Variants in ADCY1 observed in about 807,000 individuals in gnomAD.
ADCY1 encodes adenylate cyclase 1, also known as adenylate cyclase type 1.
Under a neutral mutation model 105.4 loss-of-function variants are expected in ADCY1, and 28 were observed. The observed-to-expected ratio is 0.27, with a 90% CI of 0.20 to 0.36. The LOEUF (loss-of-function observed/expected upper bound fraction) is 0.36. Ranked by LOEUF, ADCY1 falls within the 10% of genes least tolerant of loss-of-function variation. The pLI is 1.00. For synonymous variants in ADCY1, 655 were observed against 623.8 expected (o/e 1.05, Z -0.75); for missense variants, 977 against 1,434.2 (o/e 0.68, Z 5.15).
intron 14 of ADCY1, among the ~76,000 whole-genome samples, chr7:45,694,129 A>C (rs1305405768): frequency 3.3e-5 from 5 of 151,104 alleles, no homozygotes; most frequent in South Asian, 2.1e-4. Flanking sequence ...AAAAAAAAAA[A>C]AAAAAAAACA....
intron 4 of ADCY1, among the ~76,000 whole-genome samples, chr7:45,628,192 G>A (rs149792010): frequency 6.6e-6 from 1 of 152,352 alleles, no homozygotes; most frequent in Non-Finnish European, 1.5e-5. Flanking sequence ...GAGGCTGAGA[G>A]CCACTCTCTA....
chr7:45,605,158 A>G (rs1259914093), intron 2 of ADCY1, among the ~76,000 whole-genome samples: 2 of 152,158 alleles, frequency 1.3e-5, no homozygotes, highest in African/African-American at 2.4e-5. Context: ...TGACTTTTGT[A>G]TATTGATCTT....
chr7:45,678,361 G>A, intron 10 of ADCY1, 98 bp downstream of exon 10: 1 of 1,173,448 alleles, frequency 8.5e-7, no homozygotes, highest in South Asian at 1.2e-5. Context: ...TGTTTCTGTT[G>A]TATGCTCAAG....
chr7:45,702,968 A>C (rs1238590143), intron 14 of ADCY1, among the ~76,000 whole-genome samples: 1 of 152,156 alleles, frequency 6.6e-6, no homozygotes, highest in Non-Finnish European at 1.5e-5. Context: ...TGTCTGCCCC[A>C]CCTGGGTGTG....
At position 45,704,619 on chromosome 7, in the gene ADCY1, G is replaced by T. The variant is rs752026233; in HGVS notation, c.2817+3G>T. The T allele has an allele frequency of 2.5e-6, 4 of 1,613,492 alleles. No individual in the cohort carries two copies. In the African/African-American group the frequency reaches 5.3e-5, roughly 22 times the overall value. On this transcript the variant is annotated splice_donor_region_variant and intron_variant, in intron 17 of 19. Coordinates refer to ENST00000297323, the MANE Select transcript of ADCY1 (RefSeq NM_021116.4). ...TAGCGCCCACCTCGGGGACCAAGGT[G>T]AGTGCAGCCTGGCGCTGCCTGCTTG... is the stretch of plus-strand genomic sequence containing the variant.
intron 4 of ADCY1, among the ~76,000 whole-genome samples, chr7:45,643,555 G>T (rs925184005): frequency 6.6e-6 from 1 of 151,540 alleles, no homozygotes; most frequent in Non-Finnish European, 1.5e-5. Context: ...TTTTCTCATC[G>T]CTCGAAATAA....
At chr7:45,659,867 C>T (rs1795047928) in intron 6 of ADCY1, among the ~76,000 whole-genome samples, 175 bp from the exon 7 acceptor site, 1 of 152,204 alleles carries the variant, frequency 6.6e-6, no homozygotes, top group Non-Finnish European at 1.5e-5. Context: ...ACTGTATCTG[C>T]CTGGGCCCTC....
rs559850494 is a variant in ADCY1, at chr7:45,686,890, C to T, written c.2454+217C>T. Among the ~76,000 whole-genome samples, 18 of 152,100 alleles carry T rather than the reference C, an allele frequency of 1.2e-4. No individual in the cohort carries two copies. The highest frequency in any genetic ancestry group is 2.5e-4 in the Non-Finnish European group (17 of 68,028). ...AGCCATGCCTCGTGAGAGGACAGTT[C>T]AGAAGGTTGTGGGGTGCATGTTGTG... is the stretch of plus-strand genomic sequence containing the variant. On this transcript the variant is annotated intron_variant, in intron 14 of 19. Transcript: ENST00000297323. The surrounding 1 kb of genome is among the most constrained non-coding windows in gnomAD (Gnocchi z 4.3).
intron 1 of ADCY1, among the ~76,000 whole-genome samples, chr7:45,587,504 G>A (rs1246919157): frequency 6.6e-6 from 1 of 152,224 alleles, no homozygotes; most frequent in Non-Finnish European, 1.5e-5. Flanking sequence ...GAGAAGGACA[G>A]AGAGAGAACG....
intron 3 of ADCY1, among the ~76,000 whole-genome samples, chr7:45,610,837 TGTGGAG>T (rs1562687244): frequency 1.2e-5 from 1 of 86,484 alleles, no homozygotes; most frequent in African/African-American, 4.6e-5. Flanking sequence ...ATAGTGGAGG[TGTGGAG>T]GCGATATTGG....
At position 45,686,923 on chromosome 7, in the gene ADCY1, G is replaced by A. The variant is rs1784690499; in HGVS notation, c.2454+250G>A. ...TGTGGGGTGCATGTTGTGGAGACCT[G>A]CCTGATGGTCAGAGCGTGGCTCTTT... is the stretch of plus-strand genomic sequence containing the variant. On this transcript the variant is annotated intron_variant, in intron 14 of 19. Transcript: ENST00000297323. This position sits in a 1 kb window ranked among gnomAD's most constrained non-coding sequence, Gnocchi z 4.3. Among the ~76,000 whole-genome samples, 1 of 152,202 alleles carries A rather than the reference G, an allele frequency of 6.6e-6. No homozygotes were observed. The highest frequency in any genetic ancestry group is 1.5e-5 in the Non-Finnish European group (1 of 68,044).
At chr7:45,613,825 C>T (rs1001748042) in intron 3 of ADCY1, among the ~76,000 whole-genome samples, 2 of 152,130 alleles carry the variant, frequency 1.3e-5, no homozygotes, top group Non-Finnish European at 2.9e-5. Context: ...ATGGATTTTC[C>T]AGCAGAAACC....
chr7:45,590,564 C>T (rs1004028165), intron 1 of ADCY1, among the ~76,000 whole-genome samples: 2 of 152,142 alleles, frequency 1.3e-5, no homozygotes, highest in African/African-American at 4.8e-5. Flanking sequence ...TGAACACACC[C>T]TAACATGCTC....
intron 4 of ADCY1, among the ~76,000 whole-genome samples, chr7:45,636,072 CCTT>C (rs1486463515): frequency 6.6e-6 from 1 of 151,838 alleles, no homozygotes; most frequent in Non-Finnish European, 1.5e-5. Context: ...TAAGAAATGA[CCTT>C]CTTTATTCTG....
chr7:45,630,603 G>T (rs1180457340), intron 4 of ADCY1, among the ~76,000 whole-genome samples: 1 of 152,038 alleles, frequency 6.6e-6, no homozygotes, highest in East Asian at 1.9e-4. Flanking sequence ...TCATATTGCT[G>T]TGTGTTCCTC....
At chr7:45,640,182 C>T (rs1051587423) in intron 4 of ADCY1, among the ~76,000 whole-genome samples, 9 of 152,116 alleles carry the variant, frequency 5.9e-5, no homozygotes, top group Non-Finnish European at 1.3e-4. Context: ...GCTTTGATTG[C>T]CCAGCACAGT....
intron 8 of ADCY1, among the ~76,000 whole-genome samples, chr7:45,674,141 A>G (rs1784414552): frequency 6.6e-6 from 1 of 151,478 alleles, no homozygotes; most frequent in African/African-American, 2.4e-5. Flanking sequence ...TTGAGAGTAC[A>G]TAATGTGTAT....
At position 45,720,358 on chromosome 7, in the gene ADCY1, A is replaced by C. The variant is rs1401309515; in HGVS notation, c.*6363A>C. The C allele has an allele frequency of 2.7e-5, 4 of 149,258 alleles. No individual in the cohort carries two copies. Among genetic ancestry groups the C allele is most frequent in the Non-Finnish European group, 5.9e-5 (4 of 67,638 alleles). 9.2% of individuals were successfully genotyped at this position (149,258 alleles called of 1,614,324 possible). On this transcript the variant is annotated 3_prime_UTR_variant, in exon 20 of 20. Coordinates refer to ENST00000297323, the MANE Select transcript of ADCY1 (RefSeq NM_021116.4). ...AAACCCCGTCTCTACTAAAAATACA[A>C]AAAAAAAATTAGCTGGGCGTGTTGG... is the stretch of plus-strand genomic sequence containing the variant.
intron 8 of ADCY1, among the ~76,000 whole-genome samples, chr7:45,674,631 C>T (rs1784423333): frequency 6.6e-6 from 1 of 152,224 alleles, no homozygotes; most frequent in Non-Finnish European, 1.5e-5. Context: ...CTTGGCCTCC[C>T]AAAGTGCTGG....
Sources: allele counts gnomAD v4.1 joint callset (sites outside exome capture counted in the v4.1 genomes callset), GRCh38; gene constraint gnomAD v4.1.1; non-coding constraint Gnocchi (gnomAD v3.1); transcripts MANE v1.5; gene names NCBI Gene and HGNC (gene_info 2026-07-23, HGNC 2026-07-21).